TTL: variants seen among roughly 807,000 people sequenced by gnomAD.
TTL encodes tubulin--tyrosine ligase.
In TTL, 10 loss-of-function variants were observed where a neutral mutation model predicts 41.1. The observed-to-expected ratio is 0.24, with a 90% CI of 0.15 to 0.41. The LOEUF (loss-of-function observed/expected upper bound fraction) is 0.41. TTL is among the 10% of genes least tolerant of loss of function. The pLI, the probability that TTL is intolerant of heterozygous loss-of-function variation, is 1.00. For synonymous variants in TTL, 175 were observed against 175.5 expected, an observed-to-expected ratio of 1.00 and a Z score of 0.02; for missense variants, 367 against 460.4, an observed-to-expected ratio of 0.80 and a Z score of 1.86.
chr2:112,482,188 G>A lies in TTL; in HGVS notation c.-157G>A. 2 of 272,180 alleles carry A rather than the reference G, an allele frequency of 7.3e-6. No homozygotes were observed. Among genetic ancestry groups the A allele is most frequent in the Non-Finnish European group, 1.1e-5 (2 of 181,588 alleles). 16.9% of individuals were successfully genotyped at this position (272,180 alleles called of 1,614,324 possible). ...TCTCCGGCACCCGGCGGGCGCCCGG[G>A]CGCGGCGCCGCCGGCACCCGAGAGG... On this transcript the variant is annotated 5_prime_UTR_variant, in exon 1 of 7. Transcript: ENST00000233336. The surrounding 1 kb of genome is among the most constrained non-coding windows in gnomAD (Gnocchi z 5.3).
At chr2:112,493,438 T>C (rs1384093260) in intron 2 of TTL, among the ~76,000 whole-genome samples, 1 of 152,126 alleles carries the variant, frequency 6.6e-6, no homozygotes, top group East Asian at 1.9e-4. Flanking sequence ...AGTTTACTTC[T>C]CCATGACCCA....
chr2:112,510,075 A>G (rs2104464034), intron 5 of TTL, among the ~76,000 whole-genome samples: 1 of 152,244 alleles, frequency 6.6e-6, no homozygotes, highest in African/African-American at 2.4e-5. Context: ...TATGCACTTT[A>G]TCATTCTCTT....
intron 3 of TTL, among the ~76,000 whole-genome samples, chr2:112,499,864 T>G (rs2458985): frequency 1.3e-5 from 2 of 152,214 alleles, no homozygotes; most frequent in African/African-American, 4.8e-5. Flanking sequence ...CAATGTGGTG[T>G]CACACACCTG....
chr2:112,536,951 A>C lies in TTL; in HGVS notation c.*8156A>C, dbSNP rs1269434924. ...GTTGATGGGCACCTAGGTTGATTCC[A>C]TGTCTTTGCTCTTGTGAATAGCACT... On this transcript the variant is annotated 3_prime_UTR_variant, in exon 7 of 7. Coordinates refer to ENST00000233336, the MANE Select transcript of TTL (RefSeq NM_153712.5). 6.6e-6 allele frequency: 1 copy of C among 152,202 alleles called. No individual in the cohort carries two copies. The highest frequency in any genetic ancestry group is 1.5e-5 in the Non-Finnish European group (1 of 68,048). The allele number at this position is 152,202 out of a possible 1,614,324, so 9.4% of individuals were successfully genotyped here. A position where few individuals can be genotyped will look rare whatever the true frequency, so the allele number is the denominator to read the frequency against.
intron 5 of TTL, among the ~76,000 whole-genome samples, chr2:112,513,687 A>T (rs959713055): frequency 6.6e-6 from 1 of 151,664 alleles, no homozygotes; most frequent in Non-Finnish European, 1.5e-5. Context: ...AAGCAAAAAA[A>T]TGCAAAAATA....
chr2:112,509,494 C>T (rs1293502123), intron 5 of TTL, among the ~76,000 whole-genome samples: 1 of 152,230 alleles, frequency 6.6e-6, no homozygotes, highest in Non-Finnish European at 1.5e-5. Context: ...CCCTCTGAGC[C>T]AGGTGTGGGA....
rs941884721 is a variant in TTL, at chr2:112,532,037, A to T, written c.*3242A>T. 4.4e-5 allele frequency: 10 copies of T among 228,368 alleles called. No homozygotes were observed. The highest frequency in any genetic ancestry group is 8.7e-5 in the Non-Finnish European group (10 of 115,182). The allele number at this position is 228,368 out of a possible 1,614,324, so 14.1% of individuals were successfully genotyped here. On this transcript the variant is annotated 3_prime_UTR_variant, in exon 7 of 7. Coordinates refer to ENST00000233336, the MANE Select transcript of TTL (RefSeq NM_153712.5). Reference sequence around the variant, plus strand: ...ATGATATAGTGGAGCAGGTGCTGACATAGGTACCAGCTGACATGATGTGTC... The same window carrying T: ...ATGATATAGTGGAGCAGGTGCTGACTTAGGTACCAGCTGACATGATGTGTC...
intron 5 of TTL, among the ~76,000 whole-genome samples, chr2:112,503,735 C>T (rs1574062732): frequency 9.2e-6 from 1 of 108,708 alleles, no homozygotes; most frequent in African/African-American, 3.4e-5. Context: ...TCCTTCCATT[C>T]TTTAGGCATT....
intron 5 of TTL, among the ~76,000 whole-genome samples, chr2:112,514,286 G>A (rs1158140079): frequency 6.6e-6 from 1 of 152,008 alleles, no homozygotes; most frequent in East Asian, 1.9e-4. Flanking sequence ...GGAGGCTGAG[G>A]TGGGAGAATA....
Position 112,531,003 on chromosome 2 carries a change from G to A in TTL, c.*2208G>A, listed in dbSNP as rs7604599. 0.98 allele frequency: 183,697 copies of A among 188,292 alleles called. 89,718 individuals carry two copies. Among genetic ancestry groups the A allele is most frequent in the East Asian group, 1 (11,820 of 11,822 alleles). 11.7% of individuals were successfully genotyped at this position (188,292 alleles called of 1,614,324 possible). On this transcript the variant is annotated 3_prime_UTR_variant, in exon 7 of 7. Transcript: ENST00000233336. Reference sequence around the variant, plus strand: ...AATTTTACAGAGACGTGGTCTCACTGTGTTGCCCAGGCTGGATTGCAGTGG... The same window carrying A: ...AATTTTACAGAGACGTGGTCTCACTATGTTGCCCAGGCTGGATTGCAGTGG...
intron 3 of TTL, among the ~76,000 whole-genome samples, chr2:112,496,328 AAACC>A (rs1681520943): frequency 6.6e-6 from 1 of 152,224 alleles, no homozygotes; most frequent in African/African-American, 2.4e-5. Context: ...TTATGTTTGG[AAACC>A]ATAAAATGAA....
intron 1 of TTL, 43 bp from the exon 2 acceptor site, chr2:112,485,874 G>T (rs1681226698): frequency 6.6e-7 from 1 of 1,515,520 alleles, no homozygotes; most frequent in East Asian, 2.2e-5. Flanking sequence ...TCTCCTGCTT[G>T]CTGTGTCCTG....
intron 6 of TTL, among the ~76,000 whole-genome samples, chr2:112,520,990 C>T (rs1430205820): frequency 6.6e-6 from 1 of 152,124 alleles, no homozygotes; most frequent in Non-Finnish European, 1.5e-5. Context: ...AAGTTCATTA[C>T]TGCCAGAGAG....
chr2:112,499,888 C>T (rs186235651), intron 3 of TTL, among the ~76,000 whole-genome samples: 89 of 152,256 alleles, frequency 5.8e-4, no homozygotes, highest in Admixed American at 2.1e-3. Flanking sequence ...ACGTAGTATT[C>T]CTGAGAATTG....
intron 3 of TTL, among the ~76,000 whole-genome samples, chr2:112,499,222 T>C (rs1374184992): frequency 1.3e-5 from 2 of 151,882 alleles, no homozygotes; most frequent in Non-Finnish European, 2.9e-5. Context: ...GGCTGAGGCA[T>C]GAGAATTGCT....
chr2:112,495,933 G>A (rs1334102278), intron 3 of TTL, among the ~76,000 whole-genome samples: 3 of 152,170 alleles, frequency 2.0e-5, no homozygotes, highest in Admixed American at 6.5e-5. Context: ...GTTCCGGGTC[G>A]AAGGGACCTC....
intron 3 of TTL, among the ~76,000 whole-genome samples, chr2:112,497,538 A>T (rs1018697417): frequency 3.3e-5 from 5 of 152,072 alleles, no homozygotes; most frequent in African/African-American, 1.2e-4. Flanking sequence ...ATAAAATTCA[A>T]ATTTATTTTA....
At chr2:112,501,174 G>A (rs1401107079) in intron 3 of TTL, 32 bp from the exon 4 acceptor site, 3 of 1,589,270 alleles carry the variant, frequency 1.9e-6, no homozygotes, top group Admixed American at 3.8e-5. Flanking sequence ...GTTTGAATTG[G>A]ATTGGTTTGT....
At chr2:112,488,696 T>G (rs1329132645) in intron 2 of TTL, among the ~76,000 whole-genome samples, 1 of 151,058 alleles carries the variant, frequency 6.6e-6, no homozygotes, top group Admixed American at 6.6e-5. Context: ...AGGTGGAGGT[T>G]GCAGTGAGCC....
Sources: allele counts gnomAD v4.1 joint callset (sites outside exome capture counted in the v4.1 genomes callset), GRCh38; gene constraint gnomAD v4.1.1; non-coding constraint Gnocchi (gnomAD v3.1); transcripts MANE v1.5; gene names NCBI Gene and HGNC (gene_info 2026-07-23, HGNC 2026-07-21).